Variants in KSR1 observed in about 807,000 individuals in gnomAD.
KSR1 encodes kinase suppressor of ras.
In KSR1, 35 loss-of-function variants were observed where a neutral mutation model predicts 92.9. The ratio of observed to expected loss-of-function variants is 0.38; its 90% CI spans 0.29 to 0.50. The LOEUF is 0.50. Among genes scored for constraint, KSR1 ranks in the 20% least tolerant of loss-of-function variants. KSR1 has a pLI of 0.94. For synonymous variants in KSR1, 467 were observed against 472.6 expected (o/e 0.99, Z 0.15); for missense variants, 972 against 1,158.5 (o/e 0.84, Z 2.34).
rs1463740826 is a variant in KSR1, at chr17:27,592,289, C to G, written c.1131-72C>G. ...TGGAGACAGTCCTGAGTGAATGCTA[C>G]ACAGAGCTACCCCTGTGTGCCTGAG... is the stretch of plus-strand genomic sequence containing the variant. On this transcript the variant is annotated intron_variant, in intron 7 of 20. Transcript: ENST00000644974. 3 of 1,235,906 alleles carry G rather than the reference C, an allele frequency of 2.4e-6. No homozygotes were observed. The Admixed American group carries it at 5.4e-5, about 22-fold the overall frequency. 76.6% of individuals were successfully genotyped at this position (1,235,906 alleles called of 1,614,324 possible).
At chr17:27,489,481 T>C (rs1327300539) in intron 1 of KSR1, among the ~76,000 whole-genome samples, 1 of 152,200 alleles carries the variant, frequency 6.6e-6, no homozygotes, top group East Asian at 1.9e-4. Flanking sequence ...TCTGCCACTT[T>C]CCCTTTTCTC....
chr17:27,572,699 G>C (rs925813676), intron 2 of KSR1, among the ~76,000 whole-genome samples: 6 of 152,342 alleles, frequency 3.9e-5, no homozygotes, highest in African/African-American at 1.2e-4. Context: ...TTTTGGTTTA[G>C]AGATGATCCA....
chr17:27,594,439 C>T (rs1309998687), intron 9 of KSR1, among the ~76,000 whole-genome samples: 1 of 152,106 alleles, frequency 6.6e-6, no homozygotes, highest in East Asian at 1.9e-4. Flanking sequence ...ACCACCTGCC[C>T]ATCATGTTCA....
chr17:27,549,801 A>G (rs2151088021), intron 1 of KSR1, among the ~76,000 whole-genome samples: 1 of 152,214 alleles, frequency 6.6e-6, no homozygotes, highest in South Asian at 2.1e-4. Context: ...GTCAGCTTCT[A>G]TTATCCCCAT....
chr17:27,536,289 G>T (rs959246130), intron 1 of KSR1, among the ~76,000 whole-genome samples: 1 of 152,144 alleles, frequency 6.6e-6, no homozygotes, highest in South Asian at 2.1e-4. Flanking sequence ...GAAACTCAGT[G>T]CTTCACCTTC....
intron 1 of KSR1, among the ~76,000 whole-genome samples, chr17:27,467,456 G>T (rs1410393783): frequency 6.6e-6 from 1 of 152,158 alleles, no homozygotes; most frequent in Non-Finnish European, 1.5e-5. Context: ...GATTCTCCCT[G>T]GTGTATCACA....
intron 6 of KSR1, among the ~76,000 whole-genome samples, chr17:27,589,339 C>G (rs917711474): frequency 6.6e-6 from 1 of 152,156 alleles, no homozygotes; most frequent in Non-Finnish European, 1.5e-5. Flanking sequence ...CCCTTGTGCT[C>G]GGGGCCTTTT....
At chr17:27,619,229 A>C (rs2074148882) in intron 19 of KSR1, among the ~76,000 whole-genome samples, 1 of 152,128 alleles carries the variant, frequency 6.6e-6, no homozygotes, top group Non-Finnish European at 1.5e-5. Context: ...TGGTGATGGC[A>C]GCATTCCTTA....
chr17:27,487,589 A>ATT lies in KSR1; in HGVS notation c.231+30715_231+30716insTT, dbSNP rs1384797146. On this transcript the variant is annotated intron_variant, in intron 1 of 20. Transcript: ENST00000644974. ...CGTGGTGAAACCCCATCTCTTTTAA[A>ATT]AAAAAAAAAAAAAGGTTTATTTGGC... Among the ~76,000 whole-genome samples the ATT allele has an allele frequency of 7.5e-4, 109 of 145,718 alleles. No individual in the cohort carries two copies. In the Middle Eastern group the frequency reaches 0.018, roughly 24 times the overall value.
chr17:27,530,726 A>G (rs947974923), intron 1 of KSR1, among the ~76,000 whole-genome samples: 9 of 152,198 alleles, frequency 5.9e-5, no homozygotes, highest in Non-Finnish European at 1.0e-4. Context: ...GGAAGAAAAT[A>G]ATTACCTATA....
At position 27,577,060 on chromosome 17, in the gene KSR1, T is replaced by TA. The variant is rs397747535; in HGVS notation, c.373-429dup. ...GTGAGGTTTTTTTGTTTTTTTTTTTTAAATCCTTCCTTTCTTGAGCCAGTT... is the reference window on the plus strand; with the variant it reads ...GTGAGGTTTTTTTGTTTTTTTTTTTTAAAATCCTTCCTTTCTTGAGCCAGTT... On this transcript the variant is annotated intron_variant, in intron 2 of 20. Transcript: ENST00000644974. The surrounding 1 kb of genome is among the most constrained non-coding windows in gnomAD (Gnocchi z 4.5). Among the ~76,000 whole-genome samples, 3 of 151,802 alleles carry TA rather than the reference T, an allele frequency of 2.0e-5. No individual in the cohort carries two copies. Among genetic ancestry groups the TA allele is most frequent in the Admixed American group, 2.0e-4 (3 of 15,240 alleles).
chr17:27,547,823 C>T (rs1438583992), intron 1 of KSR1, among the ~76,000 whole-genome samples: 1 of 152,142 alleles, frequency 6.6e-6, no homozygotes, highest in Non-Finnish European at 1.5e-5. Context: ...AGTGATTCTC[C>T]TGCCTCAGCC....
intron 4 of KSR1, 101 bp downstream of exon 4, chr17:27,583,206 G>C: frequency 1.2e-6 from 1 of 813,238 alleles, no homozygotes; most frequent in Non-Finnish European, 1.9e-6. Flanking sequence ...ATAGACGTGT[G>C]TAAAGTCAAA....
intron 3 of KSR1, chr17:27,578,906 TG>T (rs1274728583): frequency 1.1e-4 from 17 of 152,146 alleles, no homozygotes; most frequent in African/African-American, 4.1e-4. Flanking sequence ...GCTTTGTAGC[TG>T]AGGCCTCTCT....
chr17:27,493,085 C>A (rs958895603), intron 1 of KSR1, among the ~76,000 whole-genome samples: 19 of 152,196 alleles, frequency 1.2e-4, no homozygotes, highest in Non-Finnish European at 2.2e-4. Flanking sequence ...CATCATTCTG[C>A]TGATGATGAT....
intron 1 of KSR1, among the ~76,000 whole-genome samples, chr17:27,501,382 TCA>T (rs1243723783): frequency 1.5e-5 from 2 of 135,630 alleles, no homozygotes; most frequent in Non-Finnish European, 3.1e-5. Context: ...TTCTCCTGCC[TCA>T]GCCTCAGGCT....
intron 1 of KSR1, among the ~76,000 whole-genome samples, chr17:27,472,730 G>C (rs2020083932): frequency 6.6e-6 from 1 of 152,154 alleles, no homozygotes; most frequent in Admixed American, 6.5e-5. Context: ...TTGAACCTGG[G>C]AGACGGAGGT....
chr17:27,574,737 A>G (rs1394064950), intron 2 of KSR1, among the ~76,000 whole-genome samples: 1 of 152,254 alleles, frequency 6.6e-6, no homozygotes, highest in Non-Finnish European at 1.5e-5. Flanking sequence ...CCTTAAAAGT[A>G]AAATTAGACA....
chr17:27,610,166 A>G lies in KSR1; in HGVS notation c.2325A>G (p.Pro775=), dbSNP rs370341101. The G allele has an allele frequency of 6.6e-5, 107 of 1,613,906 alleles. No homozygotes were observed. Among genetic ancestry groups the G allele is most frequent in the Non-Finnish European group, 8.7e-5 (103 of 1,179,878 alleles). Residue 775 remains proline, a synonymous_variant, in exon 17 of 21, where the codon CCA becomes CCG. Coordinates refer to ENST00000644974, the MANE Select transcript of KSR1 (RefSeq NM_001394583.1). Reference sequence around the variant, plus strand: ...CCGGGAAGGACGAGGATCAGCTGCCATTCTCCAAAGCTGCTGATGTCTATG... The same window carrying G: ...CCGGGAAGGACGAGGATCAGCTGCCGTTCTCCAAAGCTGCTGATGTCTATG... ...MTPGKDEDQL[P]FSKAADVYAF... is the part of the protein sequence containing the mutation.
Sources: gnomAD v4.1 joint callset for allele counts (sites outside exome capture counted in the v4.1 genomes callset) on GRCh38, gnomAD v4.1.1 for gene constraint, Gnocchi (gnomAD v3.1) non-coding constraint, MANE v1.5 for transcripts, NCBI Gene and HGNC (gene_info 2026-07-23, HGNC 2026-07-21) for gene names.